Variants in DNAH12 observed in about 807,000 individuals in gnomAD.
DNAH12 encodes the protein dynein axonemal heavy chain 12, also known as axonemal beta dynein heavy chain 12.
A neutral mutation model predicts 371.5 loss-of-function variants in DNAH12; 285 were observed. The ratio of observed to expected loss-of-function variants is 0.77; its 90% confidence interval spans 0.70 to 0.85. The LOEUF is 0.85. Ranked by LOEUF, DNAH12 falls within the 40% of genes least tolerant of loss-of-function variation. DNAH12 has a pLI of 0.00. For missense variants in DNAH12, 3,611 were observed against 3,689.4 expected (o/e 0.98, Z 0.55); for synonymous variants, 1,200 against 1,213.0 (o/e 0.99, Z 0.22).
At chr3:57,300,870 G>A (rs2061330351) in intron 70 of DNAH12, among the ~76,000 whole-genome samples, 1 of 152,110 alleles carries the variant, frequency 6.6e-6, no homozygotes, top group Non-Finnish European at 1.5e-5. Flanking sequence ...ATGGGGGCAG[G>A]CAGTGGAGTT....
chr3:57,413,642 ATTCTT>A, intron 39 of DNAH12, 99 bp downstream of exon 39: 1 of 1,248,236 alleles, frequency 8.0e-7, no homozygotes, highest in Non-Finnish European at 1.1e-6. Flanking sequence ...CTGAGCAACT[ATTCTT>A]TTCCCTAAAT....
In DNAH12 at chr3:57,296,851, A is replaced by G. The variant is rs1191060686; in HGVS notation, c.11528T>C (p.Phe3843Ser). 1.3e-6 allele frequency: 2 copies of G among 1,551,508 alleles called. No homozygotes were observed. Among genetic ancestry groups the G allele is most frequent in the South Asian group, 1.2e-5 (1 of 84,008 alleles). The change falls in exon 71 of 74, where the codon TTT becomes TCT. Residue 3843 changes from phenylalanine (F) to serine (S), a missense_variant. Physicochemically the swap from Phe to Ser is radical, Grantham distance 155. Coordinates refer to ENST00000495027, the MANE Select transcript of DNAH12 (RefSeq NM_001366028.2). ...GACTTTAAGGAGTTACTATACCTCA[A>G]ATTCATATCCTAGCAAATCAATAGG... ...TTPIDLLGYE[F>S]EVIPSDTSDT...
chr3:57,520,957 A>G (rs62260464), intron 4 of DNAH12, among the ~76,000 whole-genome samples: 41,824 of 150,012 alleles, frequency 0.28, 6,947 homozygotes, highest in East Asian at 0.42. Flanking sequence ...AATTTTCTGC[A>G]GGAGGCTGAG....
intron 55 of DNAH12, among the ~76,000 whole-genome samples, chr3:57,374,808 G>A (rs1433932219): frequency 1.3e-5 from 2 of 152,034 alleles, no homozygotes; most frequent in African/African-American, 4.8e-5. Flanking sequence ...TATACATTAT[G>A]ATTCCTTTAT....
chr3:57,381,467 AATAATT>A (rs2063389238), intron 50 of DNAH12, among the ~76,000 whole-genome samples: 1 of 152,194 alleles, frequency 6.6e-6, no homozygotes, highest in African/African-American at 2.4e-5. Context: ...ATCCTGGAAT[AATAATT>A]ATAATAATAA....
intron 69 of DNAH12, among the ~76,000 whole-genome samples, chr3:57,306,133 T>G (rs1200593397): frequency 6.6e-6 from 1 of 152,120 alleles, no homozygotes; most frequent in African/African-American, 2.4e-5. Flanking sequence ...TTCCCAGATC[T>G]TCTCCGCTTA....
chr3:57,470,142 T>G (rs1575646018), intron 16 of DNAH12, among the ~76,000 whole-genome samples: 1 of 152,104 alleles, frequency 6.6e-6, no homozygotes, highest in East Asian at 1.9e-4. Context: ...TATATATTTT[T>G]CATGTCAGAA....
At chr3:57,471,329 TG>T (rs2066360020) in intron 15 of DNAH12, 142 bp downstream of exon 15, 2 of 462,622 alleles carry the variant, frequency 4.3e-6, no homozygotes, top group African/African-American at 2.1e-5. Context: ...TAAATATATA[TG>T]TATATATGTA....
At chr3:57,339,367 G>T (rs2062333516) in intron 60 of DNAH12, among the ~76,000 whole-genome samples, 1 of 140,886 alleles carries the variant, frequency 7.1e-6, no homozygotes, top group Admixed American at 7.5e-5. Flanking sequence ...ACCCAAGAAT[G>T]ATCAATAAAT....
chr3:57,545,596 G>A (rs1313236674), upstream of DNAH12, among the ~76,000 whole-genome samples: 5 of 152,058 alleles, frequency 3.3e-5, no homozygotes, highest in African/African-American at 1.2e-4. Flanking sequence ...CATAGTGAAA[G>A]GAGTCAGCTA....
rs2063630704 is a variant in DNAH12, at chr3:57,391,868, A to C, written c.7305+4T>G. 1 of 153,014 alleles carries C rather than the reference A, an allele frequency of 6.5e-6. No individual in the cohort carries two copies. Among genetic ancestry groups the C allele is most frequent in the Non-Finnish European group, 1.5e-5 (1 of 68,070 alleles). 9.5% of individuals were successfully genotyped at this position (153,014 alleles called of 1,614,324 possible). A position where few individuals can be genotyped will look rare whatever the true frequency, so the allele number is the denominator to read the frequency against. On this transcript the variant is annotated splice_donor_region_variant and intron_variant, in intron 45 of 73. Transcript: ENST00000495027. ...TCCCCCTCCAACCAAGAAAAATTAC[A>C]AACCTGAAACCAGTCAATGGTACAG... is the stretch of plus-strand genomic sequence containing the variant.
chr3:57,496,369 T>G (rs906402180), intron 11 of DNAH12, among the ~76,000 whole-genome samples: 1 of 152,062 alleles, frequency 6.6e-6, no homozygotes, highest in Non-Finnish European at 1.5e-5. Flanking sequence ...GGGTTAATAT[T>G]TGAACATCAA....
intron 22 of DNAH12, among the ~76,000 whole-genome samples, chr3:57,455,217 A>G (rs2065868293): frequency 6.6e-6 from 1 of 152,002 alleles, no homozygotes; most frequent in Non-Finnish European, 1.5e-5. Context: ...TTTTCTATAT[A>G]GAATACCTAT....
chr3:57,373,240 A>T (rs1672243977), intron 55 of DNAH12, among the ~76,000 whole-genome samples: 1 of 152,072 alleles, frequency 6.6e-6, no homozygotes, highest in African/African-American at 2.4e-5. Flanking sequence ...ATTTGTCCCA[A>T]GCTAGACCAA....
chr3:57,368,731 G>A (rs2063103965), intron 55 of DNAH12, among the ~76,000 whole-genome samples: 3 of 152,108 alleles, frequency 2.0e-5, no homozygotes, highest in Admixed American at 2.0e-4. Flanking sequence ...CAAGTTTAGG[G>A]TGGTATATAT....
intron 22 of DNAH12, among the ~76,000 whole-genome samples, chr3:57,456,852 T>C (rs1375018577): frequency 6.6e-6 from 1 of 152,070 alleles, no homozygotes; most frequent in Admixed American, 6.6e-5. Context: ...AGCCTAAAAG[T>C]GATTTTTGAG....
At chr3:57,411,595 A>C (rs1295557894) in intron 39 of DNAH12, among the ~76,000 whole-genome samples, 1 of 149,256 alleles carries the variant, frequency 6.7e-6, no homozygotes, top group Non-Finnish European at 1.5e-5. Flanking sequence ...ATTAGCACCC[A>C]CCCCCAATGA....
intron 30 of DNAH12, 111 bp downstream of exon 30, chr3:57,436,840 G>T: frequency 2.9e-6 from 2 of 698,784 alleles, no homozygotes; most frequent in Non-Finnish European, 2.2e-6. Context: ...GCGGGCGGGG[G>T]TTGCTCTCAA....
At chr3:57,294,085 T>G in intron 73 of DNAH12, 114 bp from the exon 74 acceptor site, 1 of 887,498 alleles carries the variant, frequency 1.1e-6, no homozygotes, top group East Asian at 2.9e-5. Flanking sequence ...AGATCATAAT[T>G]GTGATATATG....
Sources: gnomAD v4.1 joint callset for allele counts (sites outside exome capture counted in the v4.1 genomes callset) on GRCh38, gnomAD v4.1.1 for gene constraint, MANE v1.5 for transcripts, NCBI Gene and HGNC (gene_info 2026-07-23, HGNC 2026-07-21) for gene names.